The following ESRRB variants were observed in gnomAD, a reference collection of about 807,000 sequenced individuals.
ESRRB encodes steroid hormone receptor ERR2.
ESRRB carries 16 observed loss-of-function variants against 46.0 expected under a neutral mutation model. That is an observed-to-expected ratio of 0.35 (90% confidence interval 0.24 to 0.53). ESRRB has a LOEUF of 0.53. Among genes scored for constraint, ESRRB ranks in the 20% least tolerant of loss-of-function variants. The pLI is 0.93. For missense variants in ESRRB, 488 were observed against 607.4 expected, an observed-to-expected ratio of 0.80 and a Z score of 2.07; for synonymous variants, 246 against 259.6, an observed-to-expected ratio of 0.95 and a Z score of 0.50.
upstream of ESRRB, among the ~76,000 whole-genome samples, chr14:76,368,717 A>G (rs1884555769): frequency 6.6e-6 from 1 of 152,200 alleles, no homozygotes; most frequent in African/African-American, 2.4e-5. Flanking sequence ...TTGTTTATGA[A>G]GAATAAAGAT....
intron 2 of ESRRB, among the ~76,000 whole-genome samples, chr14:76,461,028 C>T (rs1304992741): frequency 2.6e-5 from 4 of 151,888 alleles, no homozygotes; most frequent in African/African-American, 4.8e-5. Flanking sequence ...TTCTTTACCT[C>T]CCCCACCTGC....
At position 76,396,704 on chromosome 14, in the gene ESRRB, A is replaced by G. The variant is rs373539606; in HGVS notation, c.50+20253A>G. Among the ~76,000 whole-genome samples the G allele has an allele frequency of 6.2e-4, 94 of 152,330 alleles. 1 individual carries two copies. The highest frequency in any genetic ancestry group is 2.1e-3 in the African/African-American group (87 of 41,568). On this transcript the variant is annotated intron_variant, in intron 1 of 6. Coordinates refer to ENST00000644823, the MANE Select transcript of ESRRB (RefSeq NM_001379180.1). ...GCTCCCCTGGTCCCCTGCAGTGCAC[A>G]TGCTACCAAGCCTGTGCCTCTGCCT...
At chr14:76,348,589 T>C (rs948695699) in intron 1 of ESRRB, among the ~76,000 whole-genome samples, 3 of 152,186 alleles carry the variant, frequency 2.0e-5, no homozygotes, top group African/African-American at 7.2e-5. Flanking sequence ...CAAGCCTCAA[T>C]TTCCTAGTCC....
intron 2 of ESRRB, among the ~76,000 whole-genome samples, chr14:76,455,688 T>C (rs1444311803): frequency 6.6e-6 from 1 of 152,172 alleles, no homozygotes; most frequent in Non-Finnish European, 1.5e-5. Context: ...AATGCCTCTA[T>C]TCCATCCTCC....
chr14:76,455,408 T>G (rs1420757935), intron 2 of ESRRB, among the ~76,000 whole-genome samples: 1 of 152,172 alleles, frequency 6.6e-6, no homozygotes, highest in African/African-American at 2.4e-5. Flanking sequence ...TTATGGAAGA[T>G]GAGTTAGCTC....
intron 1 of ESRRB, among the ~76,000 whole-genome samples, chr14:76,419,976 G>T (rs776595029): frequency 2.0e-5 from 3 of 152,146 alleles, no homozygotes; most frequent in Non-Finnish European, 2.9e-5. Flanking sequence ...GTTCGGCTAG[G>T]GGTCTGACTC....
intron 1 of ESRRB, among the ~76,000 whole-genome samples, chr14:76,424,668 T>G (rs547793974): frequency 6.6e-6 from 1 of 152,242 alleles, no homozygotes; most frequent in Non-Finnish European, 1.5e-5. Context: ...GAGGGAGGTG[T>G]CAGTACTGCT....
intron 2 of ESRRB, among the ~76,000 whole-genome samples, chr14:76,440,200 A>G: frequency 6.6e-6 from 1 of 152,128 alleles, no homozygotes; most frequent in East Asian, 1.9e-4. Flanking sequence ...AGATGTGGTG[A>G]CTCATGCCTG....
intron 1 of ESRRB, among the ~76,000 whole-genome samples, chr14:76,431,907 C>T (rs1887462547): frequency 6.6e-6 from 1 of 152,184 alleles, no homozygotes; most frequent in African/African-American, 2.4e-5. Context: ...TCCTCCTAGA[C>T]ACCGGCTTGG....
intron 1 of ESRRB, among the ~76,000 whole-genome samples, chr14:76,414,842 G>C (rs1886629735): frequency 6.6e-6 from 1 of 152,156 alleles, no homozygotes; most frequent in African/African-American, 2.4e-5. Context: ...TGTGGTGGCT[G>C]TGTGGGCTGG....
upstream of ESRRB, among the ~76,000 whole-genome samples, chr14:76,375,384 T>G (rs148609484): frequency 6.6e-6 from 1 of 152,294 alleles, no homozygotes; most frequent in African/African-American, 2.4e-5. Flanking sequence ...ACTTGTGCCT[T>G]GGAGTGGATG....
intron 1 of ESRRB, among the ~76,000 whole-genome samples, chr14:76,320,060 T>G (rs909573460): frequency 2.6e-5 from 4 of 152,190 alleles, no homozygotes; most frequent in African/African-American, 7.2e-5. Flanking sequence ...CCAAGCATGC[T>G]TTGGCTTCCT....
intron 1 of ESRRB, among the ~76,000 whole-genome samples, chr14:76,402,855 CT>C (rs1398021290): frequency 6.6e-6 from 1 of 152,076 alleles, no homozygotes; most frequent in East Asian, 1.9e-4. Flanking sequence ...CTTTTTCTTT[CT>C]TTTTTTCTTT....
intron 1 of ESRRB, among the ~76,000 whole-genome samples, chr14:76,401,386 C>T (rs1302756290): frequency 2.0e-5 from 3 of 152,162 alleles, no homozygotes; most frequent in South Asian, 4.1e-4. Flanking sequence ...CAGCCCTCTT[C>T]GATTCTGACC....
At chr14:76,318,204 G>A (rs569906471) in intron 1 of ESRRB, among the ~76,000 whole-genome samples, 1 of 152,136 alleles carries the variant, frequency 6.6e-6, no homozygotes, top group Admixed American at 6.6e-5. Flanking sequence ...GTCTGGAGAG[G>A]CCCAACACCT....
chr14:76,345,676 A>G (rs1884241576), intron 1 of ESRRB, among the ~76,000 whole-genome samples: 1 of 152,160 alleles, frequency 6.6e-6, no homozygotes. Flanking sequence ...AATTTGATCC[A>G]GCAGTCCCAC....
intron 1 of ESRRB, among the ~76,000 whole-genome samples, chr14:76,341,449 G>A (rs542657843): frequency 1.2e-4 from 18 of 152,282 alleles, no homozygotes; most frequent in South Asian, 6.2e-4. Context: ...GGTTTCACCC[G>A]GCTCTCCTGC....
chr14:76,342,431 T>C (rs1884202159), intron 1 of ESRRB, among the ~76,000 whole-genome samples: 1 of 152,150 alleles, frequency 6.6e-6, no homozygotes, highest in Non-Finnish European at 1.5e-5. Flanking sequence ...CTCAGACCAC[T>C]CCAAGACCAG....
chr14:76,388,454 G>A (rs2139814669), intron 1 of ESRRB, among the ~76,000 whole-genome samples: 1 of 152,138 alleles, frequency 6.6e-6, no homozygotes, highest in Non-Finnish European at 1.5e-5. Context: ...CAAAGTGCTG[G>A]GATTACAGGC....
Sources: allele counts gnomAD v4.1 joint callset (sites outside exome capture counted in the v4.1 genomes callset), GRCh38; gene constraint gnomAD v4.1.1; transcripts MANE v1.5; gene names NCBI Gene and HGNC (gene_info 2026-07-23, HGNC 2026-07-21).